The following ERICH2 variants were observed in gnomAD, a reference collection of about 807,000 sequenced individuals.
ERICH2 encodes the protein glutamate-rich protein 2.
ERICH2 carries 17 observed loss-of-function variants against 17.4 expected under a neutral mutation model. The observed-to-expected ratio is 0.98, with a 90% CI of 0.67 to 1.47. The LOEUF is 1.47. Among genes scored for constraint, ERICH2 ranks in the 40% most tolerant of loss-of-function variants. The probability of loss-of-function intolerance (pLI) is 0.00; values close to 1 mark genes in which losing one functional copy is unlikely to be tolerated. For synonymous variants in ERICH2, 51 were observed against 61.1 expected (o/e 0.83, Z 0.77); for missense variants, 186 against 183.2 (o/e 1.01, Z -0.09).
chr2:170,777,993 CTTAT>C, the ERICH2 span: 2 of 262,376 alleles, frequency 7.6e-6, no homozygotes, highest in African/African-American at 2.2e-5. Flanking sequence ...CCCTTTGATA[CTTAT>C]TTCTTTCACA....
intron 3 of ERICH2, 127 bp downstream of exon 8, chr2:170,793,047 T>G (rs1701328515): frequency 2.0e-6 from 1 of 502,844 alleles, no homozygotes; most frequent in African/African-American, 1.9e-5. Flanking sequence ...AGTGATTCCT[T>G]GATAATAAAT....
the ERICH2 span, among the ~76,000 whole-genome samples, chr2:170,774,527 G>A: frequency 6.6e-6 from 1 of 151,072 alleles, no homozygotes; most frequent in African/African-American, 2.4e-5. Flanking sequence ...ACAGGAACTG[G>A]GATGTAAATC....
the ERICH2 span, chr2:170,777,315 A>G: frequency 6.5e-6 from 4 of 613,160 alleles, no homozygotes; most frequent in South Asian, 7.5e-5. Context: ...CTATTAGTAA[A>G]TTATTTCAAA....
the ERICH2 span, among the ~76,000 whole-genome samples, chr2:170,778,373 C>G: frequency 1.2e-4 from 18 of 152,054 alleles, no homozygotes; most frequent in Non-Finnish European, 1.6e-4. Flanking sequence ...TTAGTAGGTA[C>G]TATTCTGGTG....
intron 2 of ERICH2, 83 bp downstream of exon 7, chr2:170,784,916 G>A: frequency 8.6e-7 from 1 of 1,157,942 alleles, no homozygotes; most frequent in East Asian, 2.8e-5. Context: ...TCACTACTGT[G>A]AGAACTAAAA....
upstream of ERICH2, among the ~76,000 whole-genome samples, chr2:170,780,887 A>T (rs1001606648): frequency 1.3e-5 from 2 of 152,210 alleles, no homozygotes; most frequent in African/African-American, 2.4e-5. Flanking sequence ...CTTTTACATA[A>T]CAGGAGTCTC....
the ERICH2 span, among the ~76,000 whole-genome samples, chr2:170,776,133 G>T: frequency 5.3e-5 from 8 of 151,916 alleles, no homozygotes; most frequent in Non-Finnish European, 8.8e-5. Context: ...TATATAAAAG[G>T]CTACACTATA....
chr2:170,787,747 C>T (rs1701191128), intron 2 of ERICH2, among the ~76,000 whole-genome samples: 1 of 152,136 alleles, frequency 6.6e-6, no homozygotes, highest in East Asian at 1.9e-4. Context: ...TATTTCAACC[C>T]AGAGAAATCA....
At chr2:170,792,752 CAT>C (rs1429243673) in intron 2 of ERICH2, 109 bp from the exon 8 acceptor site, 5 of 643,558 alleles carry the variant, frequency 7.8e-6, no homozygotes, top group Non-Finnish European at 1.3e-5. Context: ...CCTGGAAAAA[CAT>C]GTGGAAGTGT....
intron 3 of ERICH2, among the ~76,000 whole-genome samples, chr2:170,795,310 T>C (rs2105722135): frequency 6.6e-6 from 1 of 151,756 alleles, no homozygotes; most frequent in African/African-American, 2.4e-5. Flanking sequence ...CCTGATAGAA[T>C]CATGTTCAAT....
chr2:170,775,116 G>T, the ERICH2 span, among the ~76,000 whole-genome samples: 1 of 111,050 alleles, frequency 9.0e-6, no homozygotes, highest in Non-Finnish European at 1.9e-5. Flanking sequence ...AGATCCTAGA[G>T]CTAGAAAGGA....
At chr2:170,774,564 C>CTTCT in the ERICH2 span, among the ~76,000 whole-genome samples, 819 of 98,518 alleles carry the variant, frequency 8.3e-3, 46 homozygotes, top group African/African-American at 0.029. Context: ...AGAGCCCCAT[C>CTTCT]TTTTTTTTTT....
At chr2:170,780,777 A>G (rs537950261), upstream of ERICH2, among the ~76,000 whole-genome samples, 18 of 152,354 alleles carry the variant, frequency 1.2e-4, no homozygotes, top group African/African-American at 3.8e-4. Context: ...CTTAGATTCA[A>G]TGAAATACTT....
chr2:170,780,903 C>T (rs554142207), upstream of ERICH2, among the ~76,000 whole-genome samples: 18 of 152,266 alleles, frequency 1.2e-4, no homozygotes, highest in African/African-American at 3.8e-4. Context: ...GTCTCACAAT[C>T]CTGGAAACTG....
At chr2:170,798,020 G>C (rs1701470881) in intron 3 of ERICH2, 21 bp from the exon 9 acceptor site, 1 of 1,514,392 alleles carries the variant, frequency 6.6e-7, no homozygotes, top group Non-Finnish European at 9.0e-7. Flanking sequence ...CACACATTCT[G>C]TTGTCCATTT....
upstream of ERICH2, among the ~76,000 whole-genome samples, chr2:170,781,493 G>A (rs1233209890): frequency 8.6e-5 from 13 of 152,034 alleles, no homozygotes; most frequent in African/African-American, 2.9e-4. Flanking sequence ...AATTAGCCGG[G>A]CATGGTGGCA....
At position 170,798,002 on chromosome 2, in the gene ERICH2, G is replaced by A. The variant is rs147170697; in HGVS notation, c.275-39G>A. 5,123 of 1,410,630 alleles carry A rather than the reference G, an allele frequency of 3.6e-3. 15 individuals are homozygous for A. Among genetic ancestry groups the A allele is most frequent in the Non-Finnish European group, 4.5e-3 (4,566 of 1,020,422 alleles). 87.4% of individuals were successfully genotyped at this position (1,410,630 alleles called of 1,614,324 possible). On this transcript the variant is annotated intron_variant, in intron 3 of 4. Transcript: ENST00000409885. Reference sequence around the variant, plus strand: ...GAGCCTGTTTGCTGCAACACTGAACGTTAATAACACACATTCTGTTGTCCA... The same window carrying A: ...GAGCCTGTTTGCTGCAACACTGAACATTAATAACACACATTCTGTTGTCCA...
At chr2:170,773,441 A>G in the ERICH2 span, among the ~76,000 whole-genome samples, 1 of 152,220 alleles carries the variant, frequency 6.6e-6, no homozygotes, top group Non-Finnish European at 1.5e-5. Context: ...TTCCTTAGGT[A>G]TCTCCAGTCC....
chr2:170,788,038 C>G (rs369680753), intron 2 of ERICH2, among the ~76,000 whole-genome samples: 1 of 152,178 alleles, frequency 6.6e-6, no homozygotes, highest in Non-Finnish European at 1.5e-5. Context: ...TTATGTACTT[C>G]TCTTCTTAGA....
Sources: allele counts gnomAD v4.1 joint callset (sites outside exome capture counted in the v4.1 genomes callset), GRCh38; gene constraint gnomAD v4.1.1; transcripts MANE v1.5; gene names NCBI Gene and HGNC (gene_info 2026-07-23, HGNC 2026-07-21).